The following CHODL variants were observed in gnomAD, a reference collection of about 807,000 sequenced individuals.
CHODL encodes the protein transmembrane protein MT75.
Under a neutral mutation model 34.5 loss-of-function variants are expected in CHODL, and 29 were observed. The ratio of observed to expected loss-of-function variants is 0.84; its 90% confidence interval spans 0.63 to 1.15. The LOEUF (loss-of-function observed/expected upper bound fraction) is 1.15, where lower values mean the gene tolerates loss of function less well. Ranked by LOEUF, CHODL falls within the 50% of genes most tolerant of loss-of-function variation. The pLI is 0.00. For missense variants in CHODL, 332 were observed against 332.5 expected (o/e 1.00, Z 0.01); for synonymous variants, 125 against 116.1 (o/e 1.08, Z -0.49).
intron 2 of CHODL, among the ~76,000 whole-genome samples, chr21:18,047,614 G>A (rs896208158): frequency 4.6e-5 from 7 of 151,814 alleles, no homozygotes; most frequent in Admixed American, 6.6e-5. Flanking sequence ...CACATTCACC[G>A]TTGCAATAAA....
intron 1 of CHODL, among the ~76,000 whole-genome samples, chr21:18,015,214 G>A (rs1363921585): frequency 1.3e-5 from 2 of 152,162 alleles, no homozygotes; most frequent in African/African-American, 4.8e-5. Context: ...ATTGGATCAT[G>A]GGGGTGGATT....
intron 2 of CHODL, among the ~76,000 whole-genome samples, chr21:18,218,740 G>A (rs973601479): frequency 3.3e-5 from 5 of 151,840 alleles, no homozygotes; most frequent in African/African-American, 4.8e-5. Flanking sequence ...TTCTTCCACC[G>A]GTCAAGTTCA....
chr21:18,199,128 A>G (rs963127449), intron 2 of CHODL, among the ~76,000 whole-genome samples: 2 of 152,108 alleles, frequency 1.3e-5, no homozygotes, highest in African/African-American at 2.4e-5. Context: ...GATTTGATTT[A>G]TTTGTCAGCT....
chr21:18,007,893 TG>T (rs2063975250), intron 1 of CHODL, among the ~76,000 whole-genome samples: 1 of 152,198 alleles, frequency 6.6e-6, no homozygotes, highest in African/African-American at 2.4e-5. Flanking sequence ...AATCTTAATA[TG>T]GAGTTTGGAA....
chr21:18,220,918 T>C (rs1026628055), intron 2 of CHODL, among the ~76,000 whole-genome samples: 11 of 152,144 alleles, frequency 7.2e-5, no homozygotes, highest in African/African-American at 2.4e-4. Flanking sequence ...GCTTCCTGTA[T>C]CTGGATGTCA....
intron 2 of CHODL, among the ~76,000 whole-genome samples, chr21:18,057,645 C>T (rs1025805370): frequency 6.6e-6 from 1 of 151,890 alleles, no homozygotes; most frequent in African/African-American, 2.4e-5. Flanking sequence ...ACCCCCTGTG[C>T]CCTGCCTATT....
intron 1 of CHODL, among the ~76,000 whole-genome samples, chr21:18,012,522 C>T (rs1392621876): frequency 1.3e-5 from 2 of 152,198 alleles, no homozygotes; most frequent in Admixed American, 1.3e-4. Flanking sequence ...TAACTGGAAT[C>T]TTCCAGCAGA....
At chr21:18,082,655 C>G (rs957595403) in intron 2 of CHODL, among the ~76,000 whole-genome samples, 2 of 152,162 alleles carry the variant, frequency 1.3e-5, no homozygotes, top group Non-Finnish European at 2.9e-5. Flanking sequence ...GTAAAGGTCA[C>G]TCTTGCTATG....
intron 2 of CHODL, among the ~76,000 whole-genome samples, chr21:18,146,368 G>GTA (rs995216463): frequency 2.6e-5 from 4 of 152,064 alleles, no homozygotes; most frequent in Non-Finnish European, 5.9e-5. Flanking sequence ...ATCTTGAATT[G>GTA]TAATCTGAAT....
intron 2 of CHODL, among the ~76,000 whole-genome samples, chr21:18,089,883 T>C (rs1250668311): frequency 6.6e-6 from 1 of 152,150 alleles, no homozygotes; most frequent in East Asian, 1.9e-4. Context: ...TGTAAATATT[T>C]ATGAAAAGTT....
At chr21:18,036,958 A>G (rs2064318703) in intron 2 of CHODL, among the ~76,000 whole-genome samples, 1 of 151,932 alleles carries the variant, frequency 6.6e-6, no homozygotes, top group Admixed American at 6.6e-5. Context: ...TACCTATTTT[A>G]ATATCTAAAA....
At chr21:17,957,022 C>A (rs1208694174) in intron 1 of CHODL, among the ~76,000 whole-genome samples, 2 of 152,022 alleles carry the variant, frequency 1.3e-5, no homozygotes, top group Non-Finnish European at 2.9e-5. Flanking sequence ...CTGTTGATGG[C>A]CTAACTAGAT....
At chr21:18,189,551 A>G (rs1006943284) in intron 2 of CHODL, among the ~76,000 whole-genome samples, 9 of 151,836 alleles carry the variant, frequency 5.9e-5, no homozygotes, top group Admixed American at 5.9e-4. Flanking sequence ...GTTTTATGAG[A>G]TAATGTCAGC....
intron 1 of CHODL, among the ~76,000 whole-genome samples, chr21:17,993,320 A>G (rs749739599): frequency 6.6e-6 from 1 of 152,162 alleles, no homozygotes; most frequent in Non-Finnish European, 1.5e-5. Context: ...TCACCCAGGC[A>G]TTAAGCCTAG....
chr21:17,966,053 TTA>T (rs1249899142), intron 1 of CHODL, among the ~76,000 whole-genome samples: 1 of 151,988 alleles, frequency 6.6e-6, no homozygotes, highest in African/African-American at 2.4e-5. Flanking sequence ...TATTTTAATA[TTA>T]TATGTCTAAC....
intron 1 of CHODL, among the ~76,000 whole-genome samples, chr21:18,253,021 A>G (rs1203793085): frequency 6.6e-6 from 1 of 151,964 alleles, no homozygotes; most frequent in Non-Finnish European, 1.5e-5. Context: ...TTTTTCTTTC[A>G]TTATTATTAT....
At chr21:18,031,754 C>G (rs1303233870) in intron 2 of CHODL, among the ~76,000 whole-genome samples, 1 of 152,088 alleles carries the variant, frequency 6.6e-6, no homozygotes, top group Non-Finnish European at 1.5e-5. Context: ...TAAGATTCTA[C>G]TTGAGGCCCA....
chr21:18,042,578 T>G (rs904740609), intron 2 of CHODL, among the ~76,000 whole-genome samples: 3 of 152,000 alleles, frequency 2.0e-5, no homozygotes, highest in African/African-American at 7.2e-5. Flanking sequence ...ACAGTTCAGG[T>G]GCTCTAAACC....
chr21:18,070,012 CCCTTCCCTTCCCT>C, intron 2 of CHODL, among the ~76,000 whole-genome samples: 1 of 70,572 alleles, frequency 1.4e-5, no homozygotes, highest in African/African-American at 4.4e-5. Flanking sequence ...CCCTTCCCTT[CCCTTCCCTTCCCT>C]CCCCCCCCCC....
Sources: gnomAD v4.1 joint callset for allele counts (sites outside exome capture counted in the v4.1 genomes callset) on GRCh38, gnomAD v4.1.1 for gene constraint, MANE v1.5 for transcripts, NCBI Gene and HGNC (gene_info 2026-07-23, HGNC 2026-07-21) for gene names.